The following MLN variants were observed in gnomAD, a reference collection of about 807,000 sequenced individuals.
The protein encoded by MLN is promotilin.
Under a neutral mutation model 13.3 loss-of-function variants are expected in MLN, and 14 were observed. The ratio of observed to expected loss-of-function variants is 1.05; its 90% CI spans 0.69 to 1.64. MLN has a LOEUF of 1.64. Ranked by LOEUF, MLN falls within the 40% of genes most tolerant of loss-of-function variation. The pLI, the probability that MLN is intolerant of heterozygous loss-of-function variation, is 0.00. For synonymous variants in MLN, 59 were observed against 54.7 expected (o/e 1.08, Z -0.34); for missense variants, 122 against 142.9 (o/e 0.85, Z 0.75).
chr6:33,800,987 C>G, intron 2 of MLN, 60 bp downstream of exon 2: 1 of 1,314,422 alleles, frequency 7.6e-7, no homozygotes, highest in Non-Finnish European at 1.1e-6. Flanking sequence ...CTTGGTATCA[C>G]CGGCATAGGT....
At chr6:33,797,878 C>A (rs1456715155) in intron 3 of MLN, among the ~76,000 whole-genome samples, 1 of 152,198 alleles carries the variant, frequency 6.6e-6, no homozygotes, top group African/African-American at 2.4e-5. Flanking sequence ...TCCACTTCAG[C>A]AGAATGAATG....
chr6:33,796,235 G>A (rs945074853), intron 3 of MLN, among the ~76,000 whole-genome samples: 4 of 152,182 alleles, frequency 2.6e-5, no homozygotes, highest in African/African-American at 9.7e-5. Context: ...AGCTCTGTGG[G>A]GTAGGGATGG....
rs139723596 is a variant in MLN at position 33,799,730 on chromosome 6, G to A, written c.118-509C>T. ...TTTGTAGCTTCTTCATAAAAATCCT[G>A]GTGCCTGGCAATTATGAGGAGAAAA... On this transcript the variant is annotated intron_variant, in intron 2 of 4. Transcript: ENST00000430124. The surrounding 1 kb of genome is among the most constrained non-coding windows in gnomAD (Gnocchi z 4.6). Among the ~76,000 whole-genome samples the A allele has an allele frequency of 3.5e-3, 532 of 152,242 alleles. 5 individuals carry two copies. The highest frequency in any genetic ancestry group is 9.7e-3 in the African/African-American group (403 of 41,526).
chr6:33,803,277 G>A lies in MLN; in HGVS notation c.-8+676C>T, dbSNP rs543850255. ...GCCTCCCCATGTGCTCTCCCTCGGG[G>A]TCAACTTTTTCTTTTCCTTTTCTTT... On this transcript the variant is annotated intron_variant, in intron 1 of 4. Coordinates refer to ENST00000430124, the MANE Select transcript of MLN (RefSeq NM_002418.3). This position sits in a 1 kb window ranked among gnomAD's most constrained non-coding sequence, Gnocchi z 4.5. 6.0e-4 allele frequency among the ~76,000 whole-genome samples: 91 copies of A among 151,280 alleles called. No individual in the cohort carries two copies. The highest frequency in any genetic ancestry group is 1.2e-3 in the Non-Finnish European group (81 of 67,800).
chr6:33,801,050 C>T lies in MLN; in HGVS notation c.114G>A (p.Met38Ile), dbSNP rs1444374671. Residue 38 changes from methionine to isoleucine, a missense_variant, in exon 2 of 5, where the codon ATG (methionine) becomes ATA (isoleucine). Physicochemically the swap from Met to Ile is conservative, Grantham distance 10. Coordinates refer to ENST00000430124, the MANE Select transcript of MLN (RefSeq NM_002418.3). ...GCAGGCAGCAGGGGGTTCTTACCTG[C>T]ATCCTCTGGAGTTCGCCATAGGTGA... Reference protein sequence around the residue: ...PIFTYGELQRMQEKERNKGQK... With the variant: ...PIFTYGELQRIQEKERNKGQK... 6.2e-7 allele frequency: 1 copy of T among 1,613,242 alleles called. No homozygotes were observed. Among genetic ancestry groups the T allele is most frequent in the Non-Finnish European group, 8.5e-7 (1 of 1,179,194 alleles).
chr6:33,797,930 C>A (rs892461575), intron 3 of MLN, among the ~76,000 whole-genome samples: 1 of 152,208 alleles, frequency 6.6e-6, no homozygotes, highest in African/African-American at 2.4e-5. Flanking sequence ...TGCCCCTACC[C>A]CTCTACCAGT....
In MLN at chr6:33,799,588, A is replaced by G. The variant is rs1436317581; in HGVS notation, c.118-367T>C. On this transcript the variant is annotated intron_variant, in intron 2 of 4. Transcript: ENST00000430124. The surrounding 1 kb of genome is among the most constrained non-coding windows in gnomAD (Gnocchi z 4.6). ...TGTCTTTCTTAGCAGAGAGCCTATA[A>G]AAAAGGTAGTGAGACAGCCTAGCCT... Among the ~76,000 whole-genome samples, 1 of 152,202 alleles carries G rather than the reference A, an allele frequency of 6.6e-6. No individual in the cohort carries two copies. The highest frequency in any genetic ancestry group is 2.4e-5 in the African/African-American group (1 of 41,438).
chr6:33,801,016 G>A lies in MLN; in HGVS notation c.117+31C>T, dbSNP rs1305532716. Reference sequence around the variant, plus strand: ...CATAGGTCATAGTGACCTCAGCCTTGCTAGCAGGGCAGGCAGCAGGGGGTT... The same window carrying A: ...CATAGGTCATAGTGACCTCAGCCTTACTAGCAGGGCAGGCAGCAGGGGGTT... On this transcript the variant is annotated intron_variant, in intron 2 of 4. Coordinates refer to ENST00000430124, the MANE Select transcript of MLN (RefSeq NM_002418.3). The A allele has an allele frequency of 2.0e-6, 3 of 1,533,358 alleles. No homozygotes were observed. In the South Asian group the frequency reaches 3.4e-5, roughly 17 times the overall value. 95.0% of individuals were successfully genotyped at this position (1,533,358 alleles called of 1,614,324 possible).
At chr6:33,797,614 T>C (rs1412854099) in intron 3 of MLN, among the ~76,000 whole-genome samples, 2 of 152,198 alleles carry the variant, frequency 1.3e-5, no homozygotes, top group African/African-American at 4.8e-5. Flanking sequence ...ATCCATTCTT[T>C]AGCAAATCCT....
At chr6:33,796,896 C>T (rs568255726) in intron 3 of MLN, among the ~76,000 whole-genome samples, 11 of 152,286 alleles carry the variant, frequency 7.2e-5, no homozygotes, top group African/African-American at 2.4e-4. Flanking sequence ...ACAATGTCCC[C>T]GGGCAACCTT....
chr6:33,795,391 T>C, intron 4 of MLN, 112 bp downstream of exon 4: 1 of 810,652 alleles, frequency 1.2e-6, no homozygotes, highest in Admixed American at 2.2e-5. Context: ...CTCCACATTC[T>C]CAAGTGCAAA....
chr6:33,797,091 G>T (rs1767943594), intron 3 of MLN, among the ~76,000 whole-genome samples: 1 of 152,218 alleles, frequency 6.6e-6, no homozygotes, highest in Non-Finnish European at 1.5e-5. Flanking sequence ...CACCCAGGTT[G>T]TTTTCTGGGC....
chr6:33,803,663 A>G lies in MLN; in HGVS notation c.-8+290T>C, dbSNP rs139771683. Among the ~76,000 whole-genome samples the G allele has an allele frequency of 4.9e-3, 751 of 152,286 alleles. 5 individuals carry two copies. The highest frequency in any genetic ancestry group is 0.014 in the African/African-American group (582 of 41,558). On this transcript the variant is annotated intron_variant, in intron 1 of 4. Transcript: ENST00000430124. This position sits in a 1 kb window ranked among gnomAD's most constrained non-coding sequence, Gnocchi z 4.5. The stretch of plus-strand genomic sequence containing the variant: ...TGCCAAGAGGGGCCCTGCGCCCATG[A>G]TGAGCTCTGGCTTGGGTTCCCGGCC...
At chr6:33,795,232 C>T (rs1767885118) in intron 4 of MLN, among the ~76,000 whole-genome samples, 1 of 152,210 alleles carries the variant, frequency 6.6e-6, no homozygotes, top group African/African-American at 2.4e-5. Context: ...TTCGGAGCAG[C>T]CACCCTGTGG....
At chr6:33,798,705 C>T (rs1039242672) in intron 3 of MLN, among the ~76,000 whole-genome samples, 11 of 152,254 alleles carry the variant, frequency 7.2e-5, no homozygotes, top group Non-Finnish European at 1.2e-4. Context: ...CTGTCGCCCA[C>T]CGGTGTTCCT....
At position 33,795,554 on chromosome 6, in the gene MLN, T is replaced by C. The variant is rs368639452; in HGVS notation, c.286A>G (p.Lys96Glu). Residue 96 changes from lysine to glutamate, a missense_variant, in exon 4 of 5, where the codon AAG (lysine) becomes GAG (glutamate). Lys to Glu is a moderately conservative substitution (Grantham distance 56, BLOSUM62 1). Transcript: ENST00000430124. ...AGCCCTTCCAGGGTGGCCGGGTACTTTTCCAGCTGTCTGGAGTTCATCCTC... is the reference window on the plus strand; with the variant it reads ...AGCCCTTCCAGGGTGGCCGGGTACTCTTCCAGCTGTCTGGAGTTCATCCTC... ...GMRMNSRQLE[K>E]YPATLEGLLS... 4.0e-5 allele frequency: 63 copies of C among 1,567,428 alleles called. 1 individual carries two copies. The highest frequency in any genetic ancestry group is 2.6e-6 in the Non-Finnish European group (3 of 1,154,578).
intron 4 of MLN, among the ~76,000 whole-genome samples, chr6:33,795,210 A>T (rs1767884706): frequency 6.6e-6 from 1 of 152,224 alleles, no homozygotes; most frequent in Non-Finnish European, 1.5e-5. Context: ...GGAAAGCCTC[A>T]CCAAGGTTCC....
In MLN at chr6:33,799,222, C is replaced by G. The variant is rs770255520; in HGVS notation, c.118-1G>C. ...TTTGCCCTTTATTCCGTTCCTTTTC[C>G]TAGGGGCAGAACAGAAAATTGCACA... On this transcript the variant is annotated splice_acceptor_variant, in intron 2 of 4. Transcript: ENST00000430124. LOFTEE classifies it high-confidence loss of function. The surrounding 1 kb of genome is among the most constrained non-coding windows in gnomAD (Gnocchi z 4.6). 1.9e-5 allele frequency: 31 copies of G among 1,608,500 alleles called. No individual in the cohort carries two copies. In the East Asian group the frequency reaches 6.7e-4, roughly 35 times the overall value.
Position 33,802,774 on chromosome 6 carries a change from C to T in MLN, c.-8+1179G>A, listed in dbSNP as rs550579917. Among the ~76,000 whole-genome samples, 13 of 152,268 alleles carry T rather than the reference C, an allele frequency of 8.5e-5. No homozygotes were observed. In the East Asian group the frequency reaches 1.4e-3, roughly 16 times the overall value. On this transcript the variant is annotated intron_variant, in intron 1 of 4. Transcript: ENST00000430124. The stretch of plus-strand genomic sequence containing the variant: ...GAAGCCGAGGCCTTGTGTGCAGCCC[C>T]AGAGGAGCTTGAGCTGAACGGAGAA...
Sources: allele counts gnomAD v4.1 joint callset (sites outside exome capture counted in the v4.1 genomes callset), GRCh38; gene constraint gnomAD v4.1.1; non-coding constraint Gnocchi (gnomAD v3.1); transcripts MANE v1.5; gene names NCBI Gene and HGNC (gene_info 2026-07-23, HGNC 2026-07-21).